The following ENTPD1 variants were observed in gnomAD, a reference collection of about 807,000 sequenced individuals.
ENTPD1 encodes ectonucleoside triphosphate diphosphohydrolase 1.
In ENTPD1, 33 loss-of-function variants were observed where a neutral mutation model predicts 57.0. That is an observed-to-expected ratio of 0.58 (90% confidence interval 0.44 to 0.77). The LOEUF (loss-of-function observed/expected upper bound fraction) is 0.77, where lower values mean the gene tolerates loss of function less well. Ranked by LOEUF, ENTPD1 falls within the 30% of genes least tolerant of loss-of-function variation. ENTPD1 has a pLI of 0.00. For synonymous variants in ENTPD1, 202 were observed against 218.8 expected, an observed-to-expected ratio of 0.92 and a Z score of 0.68; for missense variants, 501 against 603.4, an observed-to-expected ratio of 0.83 and a Z score of 1.78.
chr10:95,830,528 G>A lies in ENTPD1; in HGVS notation c.144+7164G>A, dbSNP rs568237957. Among the ~76,000 whole-genome samples the A allele has an allele frequency of 1.5e-3, 226 of 152,118 alleles. 2 individuals are homozygous for A. Among genetic ancestry groups the A allele is most frequent in the African/African-American group, 3.2e-3 (133 of 41,504 alleles). On this transcript the variant is annotated intron_variant, in intron 2 of 9. Transcript: ENST00000371205. ...ATGGTTCAAAATATTGTAGATCACC[G>A]GGCGTGGTGGCTCACTCCTGTAATC...
chr10:95,869,948 G>A lies in ENTPD1; in HGVS notation c.*3565G>A. ...TGGCTTGTAGCTACCATACTGGACA[G>A]CACATGTCCAAAAAAATACACGTAA... On this transcript the variant is annotated 3_prime_UTR_variant, in exon 10 of 10. Coordinates refer to ENST00000371205, the MANE Select transcript of ENTPD1 (RefSeq NM_001776.6). 1.0e-6 allele frequency: 1 copy of A among 984,592 alleles called. No homozygotes were observed. Among genetic ancestry groups the A allele is most frequent in the South Asian group, 4.7e-5 (1 of 21,270 alleles). 61.0% of individuals were successfully genotyped at this position (984,592 alleles called of 1,614,324 possible).
chr10:95,814,331 G>GA (rs2098322312), intron 1 of ENTPD1, among the ~76,000 whole-genome samples: 2 of 152,218 alleles, frequency 1.3e-5, no homozygotes, highest in Admixed American at 1.3e-4. Flanking sequence ...GAAGTGAGAA[G>GA]AATCAGGGAA....
chr10:95,876,650 G>T lies in ENTPD1; in HGVS notation c.*10267G>T. On this transcript the variant is annotated 3_prime_UTR_variant, in exon 10 of 10. Coordinates refer to ENST00000371205, the MANE Select transcript of ENTPD1 (RefSeq NM_001776.6). ...GAAGGATGTATTTGGCTGTCTTCTG[G>T]ACAGGCCATTCTAATAACAGAAACA... 8.1e-7 allele frequency: 1 copy of T among 1,228,302 alleles called. No homozygotes were observed. The highest frequency in any genetic ancestry group is 1.0e-6 in the Non-Finnish European group (1 of 986,286). 76.1% of individuals were successfully genotyped at this position (1,228,302 alleles called of 1,614,324 possible).
the ENTPD1 span, among the ~76,000 whole-genome samples, chr10:95,696,281 A>G: frequency 2.0e-5 from 3 of 152,024 alleles, no homozygotes; most frequent in Non-Finnish European, 4.4e-5. Flanking sequence ...GATTTAATTA[A>G]TTAATTAATT....
intron 1 of ENTPD1, among the ~76,000 whole-genome samples, chr10:95,774,544 CAT>C (rs1288729250): frequency 1.3e-5 from 2 of 152,220 alleles, no homozygotes; most frequent in Non-Finnish European, 2.9e-5. Flanking sequence ...CAGCTTTCTA[CAT>C]ATGCCTAGCC....
intron 4 of ENTPD1, among the ~76,000 whole-genome samples, chr10:95,843,558 A>G (rs190450468): frequency 3.3e-5 from 5 of 152,366 alleles, no homozygotes; most frequent in Non-Finnish European, 7.3e-5. Flanking sequence ...ACACCTGGGA[A>G]GTGGTGGAGC....
At chr10:95,817,041 T>C (rs2098332295) in intron 1 of ENTPD1, among the ~76,000 whole-genome samples, 2 of 152,238 alleles carry the variant, frequency 1.3e-5, no homozygotes, top group Non-Finnish European at 2.9e-5. Context: ...AATGGAGGCT[T>C]ACAGAGACTA....
In ENTPD1 at chr10:95,873,588, G is replaced by C. The variant is rs764536276; in HGVS notation, c.*7205G>C. The C allele has an allele frequency of 1.0e-6, 1 of 985,418 alleles. No homozygotes were observed. Among genetic ancestry groups the C allele is most frequent in the Non-Finnish European group, 1.2e-6 (1 of 829,944 alleles). 61.0% of individuals were successfully genotyped at this position (985,418 alleles called of 1,614,324 possible). On this transcript the variant is annotated 3_prime_UTR_variant, in exon 10 of 10. Coordinates refer to ENST00000371205, the MANE Select transcript of ENTPD1 (RefSeq NM_001776.6). ...CCTTTAAAAATGGTTTAGAAGTTTAGCTGGTTTCTTATTACTCCTGTCTAT... is the reference window on the plus strand; with the variant it reads ...CCTTTAAAAATGGTTTAGAAGTTTACCTGGTTTCTTATTACTCCTGTCTAT...
At chr10:95,765,297 C>A (rs993233390) in intron 1 of ENTPD1, among the ~76,000 whole-genome samples, 2 of 152,160 alleles carry the variant, frequency 1.3e-5, no homozygotes, top group Non-Finnish European at 2.9e-5. Flanking sequence ...TCTATATTTT[C>A]TTCAAAGAGC....
intron 8 of ENTPD1, among the ~76,000 whole-genome samples, 186 bp downstream of exon 8, chr10:95,860,768 G>C (rs961125970): frequency 6.6e-6 from 1 of 152,210 alleles, no homozygotes; most frequent in Non-Finnish European, 1.5e-5. Context: ...ACATCCAGTG[G>C]CTTAAATAAG....
chr10:95,779,592 T>A (rs1411922483), intron 1 of ENTPD1, among the ~76,000 whole-genome samples: 3 of 152,154 alleles, frequency 2.0e-5, no homozygotes, highest in Admixed American at 6.6e-5. Flanking sequence ...TCTCACAAAT[T>A]ATAATTTCTA....
chr10:95,700,008 T>C, the ENTPD1 span, among the ~76,000 whole-genome samples: 1 of 152,192 alleles, frequency 6.6e-6, no homozygotes, highest in African/African-American at 2.4e-5. Context: ...AAGGTCTATA[T>C]GGTATATGGA....
chr10:95,701,139 T>C, the ENTPD1 span, among the ~76,000 whole-genome samples: 1 of 152,120 alleles, frequency 6.6e-6, no homozygotes, highest in Non-Finnish European at 1.5e-5. Context: ...AGGAAACAGA[T>C]GTGGTAATAG....
intron 1 of ENTPD1, among the ~76,000 whole-genome samples, chr10:95,735,761 A>C (rs982308214): frequency 6.6e-6 from 1 of 151,194 alleles, no homozygotes; most frequent in Non-Finnish European, 1.5e-5. Flanking sequence ...ATGCTCGGCT[A>C]ATTTTTTTTA....
At chr10:95,778,195 T>C (rs1417212710) in intron 1 of ENTPD1, among the ~76,000 whole-genome samples, 2 of 152,120 alleles carry the variant, frequency 1.3e-5, no homozygotes, top group South Asian at 2.1e-4. Flanking sequence ...GGTACCTCAG[T>C]TGGAAATGCA....
intron 1 of ENTPD1, among the ~76,000 whole-genome samples, chr10:95,748,168 C>A (rs1327745698): frequency 1.3e-5 from 2 of 152,100 alleles, no homozygotes; most frequent in Admixed American, 6.5e-5. Flanking sequence ...CCACCGCACC[C>A]GGCCCAAATT....
At chr10:95,713,012 C>T (rs1260518552) in intron 1 of ENTPD1, among the ~76,000 whole-genome samples, 1 of 142,582 alleles carries the variant, frequency 7.0e-6, no homozygotes, top group Non-Finnish European at 1.5e-5. Flanking sequence ...CCAGACTGGG[C>T]GACAGAGCGA....
intron 7 of ENTPD1, among the ~76,000 whole-genome samples, chr10:95,852,244 A>G (rs11188506): frequency 1.3e-5 from 2 of 152,128 alleles, no homozygotes; most frequent in African/African-American, 2.4e-5. Context: ...AGAAGTGTCT[A>G]TTCAGGTCCT....
chr10:95,844,729 A>G (rs1464585362), intron 5 of ENTPD1, 94 bp downstream of exon 5: 4 of 1,421,424 alleles, frequency 2.8e-6, no homozygotes, highest in Non-Finnish European at 4.0e-6. Flanking sequence ...AGAATGAATG[A>G]ATGAATGATA....
Sources: allele counts gnomAD v4.1 joint callset (sites outside exome capture counted in the v4.1 genomes callset), GRCh38; gene constraint gnomAD v4.1.1; transcripts MANE v1.5; gene names NCBI Gene and HGNC (gene_info 2026-07-23, HGNC 2026-07-21).